Variants in SF1 observed in about 807,000 individuals in gnomAD.
The protein encoded by SF1 is splicing factor 1.
In SF1, 7 loss-of-function variants were observed where a neutral mutation model predicts 62.5. The observed-to-expected ratio is 0.11, with a 90% CI of 0.06 to 0.21. SF1 has a LOEUF of 0.21. Among genes scored for constraint, SF1 ranks in the 10% least tolerant of loss-of-function variants. SF1 has a pLI of 1.00. For missense variants in SF1, 578 were observed against 884.0 expected (o/e 0.65, Z 4.39); for synonymous variants, 394 against 323.6 (o/e 1.22, Z -2.33).
intron 3 of SF1, chr11:64,772,044 G>A: frequency 1.0e-6 from 1 of 985,332 alleles, no homozygotes; most frequent in Non-Finnish European, 1.2e-6. Flanking sequence ...CACCCAATTG[G>A]CCATGTGAAG....
rs1482909142 is a variant in SF1, at chr11:64,766,024, C to T, written c.1714G>A (p.Gly572Arg). The part of the protein sequence containing the change: ...GNPTMVPLPP[G>R]VQPPLPPGAP... ...CCAGGCGGCAGAGGCGGCTGGACCC[C>T]GGGGGGCAGGGGCACCATAGTGGGG... Residue 572 changes from glycine (G) to arginine (R), a missense_variant, in exon 13 of 13, where the codon GGG becomes AGG. By Grantham distance (125) the Gly-to-Arg change is moderately radical. Coordinates refer to ENST00000377390, the MANE Select transcript of SF1 (RefSeq NM_004630.4). The T allele has an allele frequency of 4.2e-6, 6 of 1,433,262 alleles. No homozygotes were observed. Among genetic ancestry groups the T allele is most frequent in the Admixed American group, 1.9e-5 (1 of 53,708 alleles). 88.8% of individuals were successfully genotyped at this position (1,433,262 alleles called of 1,614,324 possible).
chr11:64,778,416 G>T lies in SF1; in HGVS notation c.-24C>A. ...ATGGCGCCCCCGGGGACAGGCACCG[G>T]CACCTGCTTTTCCTCTGCGGCGGCT... On this transcript the variant is annotated 5_prime_UTR_variant, in exon 1 of 13. Coordinates refer to ENST00000377390, the MANE Select transcript of SF1 (RefSeq NM_004630.4). The T allele has an allele frequency of 8.2e-7, 1 of 1,225,950 alleles. No individual in the cohort carries two copies. Among genetic ancestry groups the T allele is most frequent in the Non-Finnish European group, 1.0e-6 (1 of 983,080 alleles). The allele number at this position is 1,225,950 out of a possible 1,614,324, so 75.9% of individuals were successfully genotyped here.
At chr11:64,766,212 C>T (rs1162059764) in intron 12 of SF1, 57 bp from the exon 13 acceptor site, 7 of 1,316,804 alleles carry the variant, frequency 5.3e-6, no homozygotes, top group Middle Eastern at 2.5e-4. Context: ...CGGCTGTCTG[C>T]GGCTGCTGCC....
chr11:64,773,449 G>C lies in SF1; in HGVS notation c.217C>G (p.Pro73Ala). Residue 73 changes from proline (P) to alanine (A), a missense_variant, in exon 3 of 13, where the codon CCC becomes GCC. Pro to Ala is a conservative substitution (Grantham distance 27). Around this residue, in one of 7 missense-constraint regions of SF1, gnomAD observed 68 missense variants for 170.7 expected, o/e 0.40. Coordinates refer to ENST00000377390, the MANE Select transcript of SF1 (RefSeq NM_004630.4). ...RKLRTGDLGIPPNPEDRSPSP... is the reference protein window; with the variant it reads ...RKLRTGDLGIAPNPEDRSPSP... ...CCCAACCTGTCCTCAGGGTTAGGGG[G>C]GATGCCCAGGTCTCCTGTGCGCAGT... 1 of 1,613,596 alleles carries C rather than the reference G, an allele frequency of 6.2e-7. No individual in the cohort carries two copies. The highest frequency in any genetic ancestry group is 8.5e-7 in the Non-Finnish European group (1 of 1,179,830).
intron 10 of SF1, 25 bp downstream of exon 10, chr11:64,767,546 G>A (rs1274614486): frequency 1.3e-6 from 2 of 1,527,368 alleles, no homozygotes; most frequent in African/African-American, 1.4e-5. Context: ...AAGCCCCCAA[G>A]GTTTCTGGTC....
At chr11:64,766,866 A>AACCCC in intron 12 of SF1, 34 bp downstream of exon 12, 1 of 181,358 alleles carries the variant, frequency 5.5e-6, no homozygotes, top group Non-Finnish European at 1.0e-5. Context: ...CCCCCATCCC[A>AACCCC]CCCACCCCCA....
Position 64,765,449 on chromosome 11 carries a change from A to C in SF1, c.*369T>G. 6.2e-7 allele frequency: 1 copy of C among 1,608,306 alleles called. No homozygotes were observed. The highest frequency in any genetic ancestry group is 8.5e-7 in the Non-Finnish European group (1 of 1,175,128). The stretch of plus-strand genomic sequence containing the variant: ...GGCGTTGCTGAGGCTGTCTGCCTGG[A>C]AGGGTCACCAATGGGCGCGGAAAGT... On this transcript the variant is annotated 3_prime_UTR_variant, in exon 13 of 13. Coordinates refer to ENST00000377390, the MANE Select transcript of SF1 (RefSeq NM_004630.4).
rs1026017703 is a variant in SF1, at chr11:64,778,471, G to A, written c.-79C>T. On this transcript the variant is annotated 5_prime_UTR_variant, in exon 1 of 13. Coordinates refer to ENST00000377390, the MANE Select transcript of SF1 (RefSeq NM_004630.4). ...CTTCGCAAGCCTCCCGGGGGGAGGG[G>A]ACCCGAATGCGCTGCCGGAGCGCGC... 1.7e-6 allele frequency: 2 copies of A among 1,206,558 alleles called. No individual in the cohort carries two copies. Among genetic ancestry groups the A allele is most frequent in the Non-Finnish European group, 1.0e-6 (1 of 970,756 alleles). The allele number at this position is 1,206,558 out of a possible 1,614,324, so 74.7% of individuals were successfully genotyped here.
In SF1 at chr11:64,778,406, A is replaced by G. The variant is rs1437963325; in HGVS notation, c.-14T>C. On this transcript the variant is annotated 5_prime_UTR_variant, in exon 1 of 13. Transcript: ENST00000377390. Reference sequence around the variant, plus strand: ...TCCGGTCGCCATGGCGCCCCCGGGGACAGGCACCGGCACCTGCTTTTCCTC... The same window carrying G: ...TCCGGTCGCCATGGCGCCCCCGGGGGCAGGCACCGGCACCTGCTTTTCCTC... 2.4e-6 allele frequency: 3 copies of G among 1,225,906 alleles called. No homozygotes were observed. The highest frequency in any genetic ancestry group is 1.6e-5 in the African/African-American group (1 of 63,710). 75.9% of individuals were successfully genotyped at this position (1,225,906 alleles called of 1,614,324 possible).
Position 64,770,339 on chromosome 11 carries a change from G to A in SF1, c.306C>T (p.Arg102=). The change falls in exon 4 of 13, where the codon CGC becomes CGT. Residue 102 remains arginine, a synonymous_variant. Coordinates refer to ENST00000377390, the MANE Select transcript of SF1 (RefSeq NM_004630.4). ...KRLNTREFRT[R]KKLEEERHNL... ...TGTGCCGCTCCTCTTCCAGCTTTTT[G>A]CGGGTGCGGAACTCTCGGGTGTTAA... The A allele has an allele frequency of 6.2e-7, 1 of 1,614,102 alleles. No homozygotes were observed. Among genetic ancestry groups the A allele is most frequent in the Non-Finnish European group, 8.5e-7 (1 of 1,180,020 alleles).
chr11:64,771,811 C>T (rs1221095813), intron 3 of SF1: 1 of 985,168 alleles, frequency 1.0e-6, no homozygotes, highest in Non-Finnish European at 1.2e-6. Flanking sequence ...GATATAACAC[C>T]TTTTTAAGAA....
At chr11:64,771,084 G>C (rs1938245479) in intron 3 of SF1, among the ~76,000 whole-genome samples, 1 of 152,238 alleles carries the variant, frequency 6.6e-6, no homozygotes, top group African/African-American at 2.4e-5. Flanking sequence ...TGCTAAAGCA[G>C]CTTCTGCGAG....
At chr11:64,772,408 G>A in intron 3 of SF1, 11 of 984,990 alleles carry the variant, frequency 1.1e-5, no homozygotes, top group Non-Finnish European at 1.3e-5. Context: ...TATAGCAAAT[G>A]TAGTAAGTCA....
rs1204790564 is a variant in SF1 at position 64,770,139 on chromosome 11, T to C, written c.390-86A>G. On this transcript the variant is annotated intron_variant, in intron 4 of 12. Coordinates refer to ENST00000377390, the MANE Select transcript of SF1 (RefSeq NM_004630.4). ...TCTAAAACCAAATATTGGTACCAAG[T>C]GCTAATTATGGGTGACTTGAGGCAA... 5 of 1,542,828 alleles carry C rather than the reference T, an allele frequency of 3.2e-6. No individual in the cohort carries two copies. In the East Asian group the frequency reaches 1.1e-4, roughly 35 times the overall value.
chr11:64,777,648 C>T, intron 1 of SF1: 1 of 985,580 alleles, frequency 1.0e-6, no homozygotes, highest in Non-Finnish European at 1.2e-6. Context: ...GCTAGCACCC[C>T]GTCCAGCGCT....
intron 12 of SF1, 45 bp downstream of exon 12, chr11:64,766,855 A>ACCGCCCC: frequency 1.3e-5 from 7 of 528,760 alleles, no homozygotes; most frequent in East Asian, 3.6e-5. Flanking sequence ...TGTCAGCCCC[A>ACCGCCCC]CCCCCATCCC....
chr11:64,766,774 T>G, intron 12 of SF1, 126 bp downstream of exon 12: 1 of 705,916 alleles, frequency 1.4e-6, no homozygotes, highest in Non-Finnish European at 2.1e-6. Flanking sequence ...GCCCTTTCTG[T>G]TTACAACCCC....
Position 64,769,969 on chromosome 11 carries a change from C to A in SF1, c.474G>T (p.Gly158=), listed in dbSNP as rs1565567636. 6.2e-7 allele frequency: 1 copy of A among 1,610,580 alleles called. No individual in the cohort carries two copies. The highest frequency in any genetic ancestry group is 2.2e-5 in the East Asian group (1 of 44,866). ...PEINFVGLLI[G]PRGNTLKNIE... ...ATAGACCAGCAGTTACTCACCTGGG[C>A]CCGATGAGCAGCCCCACAAAGTTGA... is the stretch of plus-strand genomic sequence containing the variant. Residue 158 remains glycine (G), a synonymous_variant, in exon 5 of 13, where the codon GGG becomes GGT. Coordinates refer to ENST00000377390, the MANE Select transcript of SF1 (RefSeq NM_004630.4).
chr11:64,776,420 CT>C, intron 2 of SF1, 77 bp downstream of exon 2: 2 of 1,483,910 alleles, frequency 1.3e-6, no homozygotes, highest in Admixed American at 1.8e-5. Flanking sequence ...CAATCTCAAA[CT>C]TTCAAAAAAT....
Sources: allele counts gnomAD v4.1 joint callset (sites outside exome capture counted in the v4.1 genomes callset), GRCh38; gene constraint gnomAD v4.1.1; regional missense constraint gnomAD v4.1.1; transcripts MANE v1.5; gene names NCBI Gene and HGNC (gene_info 2026-07-23, HGNC 2026-07-21).